Variants in VAV3 observed in about 807,000 individuals in gnomAD.
VAV3 encodes guanine nucleotide exchange factor VAV3.
In VAV3, 94 loss-of-function variants were observed where a neutral mutation model predicts 131.2. The observed-to-expected ratio is 0.72, with a 90% confidence interval of 0.61 to 0.85. The LOEUF is 0.85. VAV3 is among the 40% of genes least tolerant of loss of function. The probability of loss-of-function intolerance (pLI) is 0.00; values close to 1 mark genes in which losing one functional copy is unlikely to be tolerated. For synonymous variants in VAV3, 349 were observed against 342.0 expected, an observed-to-expected ratio of 1.02 and a Z score of -0.22; for missense variants, 939 against 1,002.7, an observed-to-expected ratio of 0.94 and a Z score of 0.86.
intron 25 of VAV3, among the ~76,000 whole-genome samples, chr1:107,595,207 C>A (rs1651276256): frequency 6.6e-6 from 1 of 152,056 alleles, no homozygotes; most frequent in African/African-American, 2.4e-5. Flanking sequence ...TCATTGATCA[C>A]TGTGAGGAAA....
chr1:107,740,468 T>C (rs1662949836), intron 15 of VAV3, among the ~76,000 whole-genome samples: 1 of 152,180 alleles, frequency 6.6e-6, no homozygotes, highest in African/African-American at 2.4e-5. Context: ...ACATTTTTAA[T>C]ATTCAATTAG....
At chr1:107,953,642 C>T (rs1209305234) in intron 1 of VAV3, among the ~76,000 whole-genome samples, 1 of 152,206 alleles carries the variant, frequency 6.6e-6, no homozygotes, top group Non-Finnish European at 1.5e-5. Context: ...GAAGGCCACA[C>T]AGCCTGTCAG....
chr1:107,816,486 C>A (rs1435284105), intron 2 of VAV3, among the ~76,000 whole-genome samples: 4 of 152,126 alleles, frequency 2.6e-5, no homozygotes, highest in African/African-American at 9.7e-5. Context: ...CTTGAGCAGT[C>A]CTGGCTTACA....
chr1:107,950,701 C>T (rs1650333132), intron 1 of VAV3, among the ~76,000 whole-genome samples: 1 of 152,016 alleles, frequency 6.6e-6, no homozygotes, highest in Non-Finnish European at 1.5e-5. Flanking sequence ...TCTCATGTTA[C>T]AGAAGGTGAA....
In VAV3 at chr1:107,913,423, G is replaced by A. The variant is rs115027591; in HGVS notation, c.205-38406C>T. Reference sequence around the variant, plus strand: ...CAAAATTGAAAGTACACTGCTAATCGCTCACAGCAACAGCAATAAAAACTT... The same window carrying A: ...CAAAATTGAAAGTACACTGCTAATCACTCACAGCAACAGCAATAAAAACTT... On this transcript the variant is annotated intron_variant, in intron 1 of 26. Coordinates refer to ENST00000370056, the MANE Select transcript of VAV3 (RefSeq NM_006113.5). Among the ~76,000 whole-genome samples the A allele has an allele frequency of 2.2e-4, 34 of 152,252 alleles. 1 individual carries two copies. The highest frequency in any genetic ancestry group is 7.2e-4 in the African/African-American group (30 of 41,562).
chr1:107,950,737 C>T (rs960619662), intron 1 of VAV3, among the ~76,000 whole-genome samples: 1 of 152,080 alleles, frequency 6.6e-6, no homozygotes, highest in Non-Finnish European at 1.5e-5. Flanking sequence ...AATGGAAAGG[C>T]TGATCATAAA....
chr1:107,704,688 G>A, intron 16 of VAV3, 38 bp from the exon 17 acceptor site: 6 of 1,501,966 alleles, frequency 4.0e-6, no homozygotes, highest in Non-Finnish European at 5.5e-6. Context: ...ATTAAACGGT[G>A]CAAAATTCTG....
At chr1:107,797,744 A>G (rs1666615425) in intron 2 of VAV3, among the ~76,000 whole-genome samples, 1 of 152,234 alleles carries the variant, frequency 6.6e-6, no homozygotes, top group Non-Finnish European at 1.5e-5. Context: ...TTAGTGGAGA[A>G]TGAGAGAGGA....
Position 107,596,340 on chromosome 1 carries a change from T to C in VAV3, c.2222A>G (p.Glu741Gly), listed in dbSNP as rs183715673. 1.7e-4 allele frequency: 276 copies of C among 1,610,164 alleles called. No homozygotes were observed. In the East Asian group the frequency reaches 6.0e-3, roughly 35 times the overall value. The stretch of plus-strand genomic sequence containing the variant: ...ATGATGCTTGTAGTACTCCACAAGT[T>C]CCTTTGGAAAAAAGAATCCAACATA... The part of the protein sequence containing the change: ...AENRKFKSLM[E>G]LVEYYKHHSL... The change falls in exon 25 of 27, where the codon GAA becomes GGA. Residue 741 changes from glutamate (E) to glycine (G), a missense_variant and splice_region_variant. Physicochemically the swap from Glu to Gly is moderately conservative, Grantham distance 98. Transcript: ENST00000370056.
chr1:107,728,017 T>G (rs77490458), intron 15 of VAV3, among the ~76,000 whole-genome samples: 158 of 152,328 alleles, frequency 1.0e-3, no homozygotes, highest in African/African-American at 3.7e-3. Context: ...AGTTTCATGC[T>G]AGTATCAAGT....
intron 20 of VAV3, among the ~76,000 whole-genome samples, chr1:107,618,249 TTCTA>T (rs953845288): frequency 6.6e-6 from 1 of 152,182 alleles, no homozygotes; most frequent in African/African-American, 2.4e-5. Context: ...TAACAGCAGT[TTCTA>T]TCTTTCACCT....
chr1:107,907,651 G>A (rs1413252921), intron 1 of VAV3, among the ~76,000 whole-genome samples: 1 of 151,880 alleles, frequency 6.6e-6, no homozygotes, highest in East Asian at 1.9e-4. Context: ...TTGCTCTCGT[G>A]TGCGTGCGTT....
intron 20 of VAV3, among the ~76,000 whole-genome samples, chr1:107,620,836 T>C (rs1052718332): frequency 6.6e-6 from 1 of 152,170 alleles, no homozygotes; most frequent in African/African-American, 2.4e-5. Flanking sequence ...GCATAGTTGT[T>C]TCTTTCTTCC....
chr1:107,785,518 C>A (rs778305340), intron 2 of VAV3: 5 of 1,300,256 alleles, frequency 3.8e-6, no homozygotes, highest in Non-Finnish European at 5.0e-6. Context: ...AAATGCAAGA[C>A]GAGCTTGGGG....
chr1:107,663,379 T>C (rs189769360), intron 19 of VAV3, among the ~76,000 whole-genome samples: 33 of 152,262 alleles, frequency 2.2e-4, no homozygotes, highest in African/African-American at 7.7e-4. Flanking sequence ...CTTAAAAAAA[T>C]AAATATGCAT....
At chr1:107,775,859 C>T (rs1171875206) in intron 4 of VAV3, among the ~76,000 whole-genome samples, 1 of 152,136 alleles carries the variant, frequency 6.6e-6, no homozygotes, top group Non-Finnish European at 1.5e-5. Context: ...CATCGTGTGA[C>T]TGCAGTGGGT....
chr1:107,953,190 T>C (rs1415638738), intron 1 of VAV3, among the ~76,000 whole-genome samples: 1 of 152,178 alleles, frequency 6.6e-6, no homozygotes, highest in Non-Finnish European at 1.5e-5. Context: ...CTGTGTGACC[T>C]TGAGAAAAGC....
intron 12 of VAV3, among the ~76,000 whole-genome samples, chr1:107,752,534 G>C (rs1299147202): frequency 6.6e-6 from 1 of 151,954 alleles, no homozygotes; most frequent in Non-Finnish European, 1.5e-5. Flanking sequence ...CACAAGAAAA[G>C]TATTTGCAAA....
At chr1:107,792,871 G>C (rs1411075111) in intron 2 of VAV3, among the ~76,000 whole-genome samples, 1 of 152,096 alleles carries the variant, frequency 6.6e-6, no homozygotes, top group Non-Finnish European at 1.5e-5. Flanking sequence ...CAATTAAGTA[G>C]ACTGTAAGGA....
Sources: gnomAD v4.1 joint callset for allele counts (sites outside exome capture counted in the v4.1 genomes callset) on GRCh38, gnomAD v4.1.1 for gene constraint, MANE v1.5 for transcripts, NCBI Gene and HGNC (gene_info 2026-07-23, HGNC 2026-07-21) for gene names.